Variants in JAKMIP3 observed in about 807,000 individuals in gnomAD.
The protein encoded by JAKMIP3 is Janus kinase and microtubule interacting protein 3.
Under a neutral mutation model 118.5 loss-of-function variants are expected in JAKMIP3, and 58 were observed. That is an observed-to-expected ratio of 0.49 (90% CI 0.40 to 0.61). JAKMIP3 has a LOEUF of 0.61. Ranked by LOEUF, JAKMIP3 falls within the 20% of genes least tolerant of loss-of-function variation. The probability of loss-of-function intolerance (pLI) is 0.00; values close to 1 mark genes in which losing one functional copy is unlikely to be tolerated. For missense variants in JAKMIP3, 950 were observed against 1,109.0 expected (o/e 0.86, Z 2.04); for synonymous variants, 486 against 451.2 (o/e 1.08, Z -0.98).
intron 14 of JAKMIP3, 82 bp downstream of exon 14, chr10:132,148,132 CTGAACATGAACA>C (rs111344225): frequency 3.3e-6 from 2 of 598,718 alleles, no homozygotes; most frequent in Non-Finnish European, 5.8e-6. Context: ...ACACAAAGCC[CTGAACATGAACA>C]TGAACATGAA....
chr10:132,148,321 C>G (rs1447883373), intron 14 of JAKMIP3, among the ~76,000 whole-genome samples: 1 of 152,116 alleles, frequency 6.6e-6, no homozygotes, highest in Non-Finnish European at 1.5e-5. Flanking sequence ...GCCCAAAGCA[C>G]GTGTAAATAT....
intron 1 of JAKMIP3, among the ~76,000 whole-genome samples, chr10:132,104,223 T>C (rs1387920807): frequency 1.3e-5 from 2 of 151,976 alleles, no homozygotes; most frequent in Admixed American, 1.3e-4. Flanking sequence ...TCCGCACTTC[T>C]GGGCATTTCC....
chr10:132,100,164 G>GCCCCCACACGGAT (rs2044607266), intron 1 of JAKMIP3, among the ~76,000 whole-genome samples: 2 of 149,918 alleles, frequency 1.3e-5, no homozygotes, highest in Non-Finnish European at 3.0e-5. Context: ...GCCCTCACAG[G>GCCCCCACACGGAT]CCCCCACACG....
chr10:132,065,312 C>A (rs1203312354), upstream of JAKMIP3, among the ~76,000 whole-genome samples: 2 of 152,066 alleles, frequency 1.3e-5, no homozygotes, highest in Non-Finnish European at 2.9e-5. This position sits in a 1 kb window ranked among gnomAD's most constrained non-coding sequence, Gnocchi z 5.6. Flanking sequence ...GCTTGCCCTT[C>A]ACACAGGAAT....
intron 2 of JAKMIP3, among the ~76,000 whole-genome samples, chr10:132,105,534 G>C (rs1351316921): frequency 6.8e-6 from 1 of 147,498 alleles, no homozygotes; most frequent in Non-Finnish European, 1.5e-5. Context: ...TGTGCTGGCA[G>C]CCAAGGGGGT....
intron 3 of JAKMIP3, among the ~76,000 whole-genome samples, chr10:132,127,487 T>G (rs1214104245): frequency 6.6e-6 from 1 of 152,070 alleles, no homozygotes; most frequent in East Asian, 1.9e-4. Context: ...ACTCCTGACC[T>G]CAGTTGATCC....
intron 23 of JAKMIP3, among the ~76,000 whole-genome samples, chr10:132,169,696 A>C (rs1418806762): frequency 1.3e-5 from 2 of 152,154 alleles, no homozygotes; most frequent in African/African-American, 4.8e-5. Context: ...CGTGTCTGAG[A>C]GCCACCTGTG....
intron 1 of JAKMIP3, among the ~76,000 whole-genome samples, chr10:132,086,794 G>A (rs757673881): frequency 6.6e-6 from 1 of 152,162 alleles, no homozygotes; most frequent in Non-Finnish European, 1.5e-5. Flanking sequence ...ATACTTGGTT[G>A]GTGAATTCTT....
chr10:132,165,225 G>A (rs1049206165), intron 21 of JAKMIP3, among the ~76,000 whole-genome samples: 10 of 152,198 alleles, frequency 6.6e-5, no homozygotes, highest in African/African-American at 2.2e-4. Flanking sequence ...GCTCTTTCTC[G>A]GGGTCCCAGC....
In JAKMIP3 at chr10:132,180,542, T is replaced by TGTGTGTGTGTGCGTGC. The variant is rs1392970396; in HGVS notation, c.*1104-1812_*1104-1811insTGTGTGTGCGTGCGTG. Reference sequence around the variant, plus strand: ...GCAGAACTGTGTGTGTGTGTGTGTGTGTGCGTGCGTGCATGCGTGTGTGTG... The same window carrying TGTGTGTGTGTGCGTGC: ...GCAGAACTGTGTGTGTGTGTGTGTGTGTGTGTGTGTGCGTGCGTGCGTGCGTGCATGCGTGTGTGTG... On this transcript the variant is annotated intron_variant, in intron 23 of 23. Coordinates refer to ENST00000684848, the MANE Select transcript of JAKMIP3 (RefSeq NM_001323087.2). Among the ~76,000 whole-genome samples, 41 of 31,776 alleles carry TGTGTGTGTGTGCGTGC rather than the reference T, an allele frequency of 1.3e-3. 15 individuals are homozygous for TGTGTGTGTGTGCGTGC. Among genetic ancestry groups the TGTGTGTGTGTGCGTGC allele is most frequent in the African/African-American group, 8.8e-3 (38 of 4,322 alleles). The allele number at this position is 31,776 out of a possible 152,430, so 20.8% of individuals were successfully genotyped here. A position where few individuals can be genotyped will look rare whatever the true frequency, so the allele number is the denominator to read the frequency against.
intron 1 of JAKMIP3, among the ~76,000 whole-genome samples, chr10:132,046,599 G>C (rs1262522077): frequency 2.0e-5 from 3 of 152,158 alleles, no homozygotes; most frequent in African/African-American, 7.2e-5. Context: ...GTGCGCATCC[G>C]CCACGGCTTA....
intron 21 of JAKMIP3, 86 bp downstream of exon 21, chr10:132,164,821 A>G: frequency 1.1e-6 from 1 of 914,224 alleles, no homozygotes; most frequent in Non-Finnish European, 1.8e-6. Flanking sequence ...ACTCAGCTCC[A>G]GGCCGTTGGG....
chr10:132,054,352 G>A (rs186763806), intron 1 of JAKMIP3, among the ~76,000 whole-genome samples: 1,856 of 152,216 alleles, frequency 0.012, 103 homozygotes, highest in Admixed American at 0.11. Context: ...AAAAAAGGGC[G>A]TGTGTAGGAA....
chr10:132,153,081 T>A, intron 17 of JAKMIP3, 58 bp downstream of exon 17: 1 of 1,398,058 alleles, frequency 7.2e-7, no homozygotes, highest in East Asian at 2.4e-5. Context: ...TCTCCTGCCC[T>A]GCTCAGCTCA....
At chr10:132,103,840 CA>C (rs1186075940) in intron 1 of JAKMIP3, among the ~76,000 whole-genome samples, 1 of 151,952 alleles carries the variant, frequency 6.6e-6, no homozygotes, top group African/African-American at 2.4e-5. Flanking sequence ...ACCCTATCTC[CA>C]AAAAAAGAAA....
chr10:132,149,529 G>A lies in JAKMIP3; in HGVS notation c.1947+19G>A, dbSNP rs781142226. ...TGTGACGGTGAGTCCCGCCCCTCCT[G>A]CCCACTCCGCCCCCACCTCACCCAT... On this transcript the variant is annotated intron_variant, in intron 15 of 23. Transcript: ENST00000684848. 6.6e-6 allele frequency: 8 copies of A among 1,210,128 alleles called. No individual in the cohort carries two copies. Among genetic ancestry groups the A allele is most frequent in the South Asian group, 1.5e-5 (1 of 68,742 alleles). 75.0% of individuals were successfully genotyped at this position (1,210,128 alleles called of 1,614,324 possible).
At chr10:132,175,293 G>A (rs1236469167) in intron 23 of JAKMIP3, among the ~76,000 whole-genome samples, 3 of 152,318 alleles carry the variant, frequency 2.0e-5, no homozygotes, top group South Asian at 2.1e-4. Flanking sequence ...ATGGGGCTCA[G>A]TATGGATTGA....
chr10:132,158,540 G>A (rs1488755802), intron 19 of JAKMIP3, among the ~76,000 whole-genome samples: 1 of 152,252 alleles, frequency 6.6e-6, no homozygotes, highest in East Asian at 1.9e-4. Flanking sequence ...AGACCAGTGG[G>A]GAGGCACATG....
chr10:132,135,406 C>T (rs987006373), intron 5 of JAKMIP3, among the ~76,000 whole-genome samples: 4 of 152,210 alleles, frequency 2.6e-5, no homozygotes, highest in African/African-American at 9.6e-5. Flanking sequence ...GAAGCCGCCT[C>T]TGTTCTGCAG....
Sources: allele counts gnomAD v4.1 joint callset (sites outside exome capture counted in the v4.1 genomes callset), GRCh38; gene constraint gnomAD v4.1.1; non-coding constraint Gnocchi (gnomAD v3.1); transcripts MANE v1.5; gene names NCBI Gene and HGNC (gene_info 2026-07-23, HGNC 2026-07-21).